INPP4B: variants seen among roughly 807,000 people sequenced by gnomAD.
INPP4B encodes the protein inositol polyphosphate 4-phosphatase type II.
Under a neutral mutation model 122.5 loss-of-function variants are expected in INPP4B, and 55 were observed. That is an observed-to-expected ratio of 0.45 (90% CI 0.36 to 0.56). INPP4B has a LOEUF of 0.56. Ranked by LOEUF, INPP4B falls within the 20% of genes least tolerant of loss-of-function variation. The pLI, the probability that INPP4B is intolerant of heterozygous loss-of-function variation, is 0.00. For missense variants in INPP4B, 1,000 were observed against 1,097.7 expected (o/e 0.91, Z 1.26); for synonymous variants, 403 against 388.7 (o/e 1.04, Z -0.43).
At chr4:142,608,453 A>G (rs535047989) in intron 2 of INPP4B, among the ~76,000 whole-genome samples, 1 of 152,266 alleles carries the variant, frequency 6.6e-6, no homozygotes, top group East Asian at 1.9e-4. Context: ...TGAGTTTTCT[A>G]TAGCTTCTAA....
At chr4:142,642,822 G>A (rs1354956731) in intron 2 of INPP4B, among the ~76,000 whole-genome samples, 1 of 152,168 alleles carries the variant, frequency 6.6e-6, no homozygotes, top group Admixed American at 6.5e-5. Flanking sequence ...TGGGTAGCTT[G>A]ATGGGGATGG....
intron 18 of INPP4B, among the ~76,000 whole-genome samples, chr4:142,140,622 T>G (rs183472907): frequency 1.1e-3 from 172 of 152,298 alleles, no homozygotes; most frequent in Non-Finnish European, 2.0e-3. Flanking sequence ...AAACAGGTAT[T>G]TATTAGAGTG....
intron 18 of INPP4B, among the ~76,000 whole-genome samples, chr4:142,131,171 T>A: frequency 6.6e-6 from 1 of 152,224 alleles, no homozygotes; most frequent in Admixed American, 6.5e-5. Context: ...CTCAGGATTC[T>A]GGCCCTCAAA....
At chr4:142,528,045 G>A (rs1390149685) in intron 2 of INPP4B, among the ~76,000 whole-genome samples, 1 of 151,968 alleles carries the variant, frequency 6.6e-6, no homozygotes. Flanking sequence ...TATCTTTGAT[G>A]AAACAATAAA....
intron 5 of INPP4B, among the ~76,000 whole-genome samples, chr4:142,406,354 A>G (rs187521687): frequency 7.2e-5 from 11 of 152,278 alleles, no homozygotes; most frequent in Non-Finnish European, 1.5e-4. Context: ...ACAGGAAGGG[A>G]GAGAAAGATG....
intron 7 of INPP4B, among the ~76,000 whole-genome samples, chr4:142,359,482 C>T (rs1233655819): frequency 6.6e-6 from 1 of 151,910 alleles, no homozygotes; most frequent in East Asian, 1.9e-4. Context: ...CAGTTCTTCC[C>T]TCGTTCAAGT....
intron 5 of INPP4B, 70 bp downstream of exon 5, chr4:142,429,103 C>G: frequency 2.6e-6 from 2 of 783,814 alleles, no homozygotes; most frequent in Non-Finnish European, 4.2e-6. Context: ...TGTAAGCAAT[C>G]TACCTATACT....
intron 14 of INPP4B, among the ~76,000 whole-genome samples, chr4:142,196,560 A>T (rs573994822): frequency 6.6e-6 from 1 of 152,168 alleles, no homozygotes; most frequent in Non-Finnish European, 1.5e-5. Context: ...CAAAAATTTA[A>T]TTCTTTCTGT....
At chr4:142,774,195 G>A (rs563355101) in intron 1 of INPP4B, among the ~76,000 whole-genome samples, 1 of 152,078 alleles carries the variant, frequency 6.6e-6, no homozygotes, top group African/African-American at 2.4e-5. Flanking sequence ...CCATCTGGAT[G>A]TCATAAGTAA....
intron 2 of INPP4B, among the ~76,000 whole-genome samples, chr4:142,682,310 T>G (rs1351257944): frequency 6.6e-6 from 1 of 151,766 alleles, no homozygotes; most frequent in Non-Finnish European, 1.5e-5. Flanking sequence ...CCCTTTTAGT[T>G]CTAAAACAAT....
At chr4:142,674,148 G>A (rs1019635165) in intron 2 of INPP4B, among the ~76,000 whole-genome samples, 4 of 152,070 alleles carry the variant, frequency 2.6e-5, no homozygotes, top group African/African-American at 4.8e-5. Flanking sequence ...CCTATGGGTC[G>A]TCTGAGGCCT....
At chr4:142,147,248 C>T (rs1355886413) in intron 17 of INPP4B, among the ~76,000 whole-genome samples, 1 of 152,122 alleles carries the variant, frequency 6.6e-6, no homozygotes, top group South Asian at 2.1e-4. Context: ...TACATTTTTT[C>T]TCAAATGTAC....
chr4:142,064,785 T>A (rs1216042351), intron 25 of INPP4B, among the ~76,000 whole-genome samples: 2 of 152,154 alleles, frequency 1.3e-5, no homozygotes, highest in Non-Finnish European at 2.9e-5. Flanking sequence ...AAAATTAAAT[T>A]ATGAAACAAA....
chr4:142,488,727 G>T (rs892979234), intron 2 of INPP4B, among the ~76,000 whole-genome samples: 7 of 151,920 alleles, frequency 4.6e-5, no homozygotes. Context: ...TAGCATATTT[G>T]TCTTCTCTGT....
intron 16 of INPP4B, among the ~76,000 whole-genome samples, chr4:142,167,057 A>C (rs1823129970): frequency 6.6e-6 from 1 of 151,918 alleles, no homozygotes; most frequent in African/African-American, 2.4e-5. Context: ...TACCCAAAGG[A>C]ATATAAATCA....
At chr4:142,108,442 TA>T (rs1788271559) in intron 22 of INPP4B, among the ~76,000 whole-genome samples, 1 of 41,694 alleles carries the variant, frequency 2.4e-5, no homozygotes, top group African/African-American at 4.0e-5. Flanking sequence ...AAATACCATG[TA>T]TAAAACAACA....
At chr4:142,618,797 G>A (rs578156201) in intron 2 of INPP4B, among the ~76,000 whole-genome samples, 1 of 151,586 alleles carries the variant, frequency 6.6e-6, no homozygotes, top group African/African-American at 2.4e-5. Flanking sequence ...GACAATCTGT[G>A]GAATGGAGAA....
At chr4:142,179,427 C>T (rs1010030634) in intron 15 of INPP4B, among the ~76,000 whole-genome samples, 4 of 146,066 alleles carry the variant, frequency 2.7e-5, no homozygotes, top group Non-Finnish European at 6.0e-5. Flanking sequence ...GAGCCAAGAT[C>T]GCCCCACTGC....
chr4:142,540,864 C>T (rs1001000465), intron 2 of INPP4B, among the ~76,000 whole-genome samples: 2 of 152,120 alleles, frequency 1.3e-5, no homozygotes, highest in African/African-American at 4.8e-5. Context: ...ATCAATCACA[C>T]CAATAATAGT....
Sources: gnomAD v4.1 joint callset for allele counts (sites outside exome capture counted in the v4.1 genomes callset) on GRCh38, gnomAD v4.1.1 for gene constraint, MANE v1.5 for transcripts, NCBI Gene and HGNC (gene_info 2026-07-23, HGNC 2026-07-21) for gene names.